The following ZFPM2 variants were observed in gnomAD, a reference collection of about 807,000 sequenced individuals.
ZFPM2 encodes the protein zinc finger protein ZFPM2.
Under a neutral mutation model 98.6 loss-of-function variants are expected in ZFPM2, and 20 were observed. The ratio of observed to expected loss-of-function variants is 0.20; its 90% CI spans 0.14 to 0.29. ZFPM2 has a LOEUF of 0.29. Among genes scored for constraint, ZFPM2 ranks in the 10% least tolerant of loss-of-function variants. The pLI is 1.00. For synonymous variants in ZFPM2, 518 were observed against 502.7 expected (o/e 1.03, Z -0.41); for missense variants, 1,310 against 1,388.6 (o/e 0.94, Z 0.90).
intron 4 of ZFPM2, among the ~76,000 whole-genome samples, chr8:105,601,080 T>C (rs1367781786): frequency 2.0e-5 from 3 of 152,056 alleles, no homozygotes; most frequent in Admixed American, 6.6e-5. Context: ...ATCCTGCTCC[T>C]CCCTCTCACC....
chr8:105,523,012 A>T (rs1004560574), intron 3 of ZFPM2, among the ~76,000 whole-genome samples: 2 of 152,176 alleles, frequency 1.3e-5, no homozygotes, highest in African/African-American at 4.8e-5. Flanking sequence ...TGATAGAATT[A>T]AATGCTAGGT....
intron 1 of ZFPM2, among the ~76,000 whole-genome samples, chr8:105,400,905 A>C (rs911616139): frequency 3.9e-5 from 6 of 152,158 alleles, no homozygotes; most frequent in East Asian, 1.9e-4. Context: ...AGAATTATAG[A>C]ATATGTCCAT....
chr8:105,418,874 G>A, intron 1 of ZFPM2: 1 of 562,648 alleles, frequency 1.8e-6, no homozygotes, highest in Non-Finnish European at 3.3e-6. Context: ...AATAAGTTTG[G>A]GGCTTGAGGT....
chr8:105,715,405 C>T (rs1256998887), intron 5 of ZFPM2, among the ~76,000 whole-genome samples: 1 of 117,512 alleles, frequency 8.5e-6, no homozygotes, highest in East Asian at 2.5e-4. Flanking sequence ...GACCCCATCT[C>T]TTGAAAAAAA....
At chr8:105,527,016 G>A (rs955079578) in intron 3 of ZFPM2, among the ~76,000 whole-genome samples, 1 of 152,016 alleles carries the variant, frequency 6.6e-6, no homozygotes, top group African/African-American at 2.4e-5. Context: ...GTATTTCCTA[G>A]GGTTGTTATG....
chr8:105,799,142 G>A (rs1173083728), intron 7 of ZFPM2, among the ~76,000 whole-genome samples, 194 bp downstream of exon 7: 1 of 152,150 alleles, frequency 6.6e-6, no homozygotes, highest in Non-Finnish European at 1.5e-5. Flanking sequence ...ACTTGGGTCT[G>A]AATTCTTTTC....
At chr8:105,689,130 C>G (rs935738287) in intron 5 of ZFPM2, among the ~76,000 whole-genome samples, 21 of 152,084 alleles carry the variant, frequency 1.4e-4, no homozygotes, top group Admixed American at 1.4e-3. Flanking sequence ...GCATTTTCTA[C>G]TCTTCCTTCC....
At chr8:105,577,794 GAAA>G (rs1220587392) in intron 4 of ZFPM2, among the ~76,000 whole-genome samples, 6 of 150,396 alleles carry the variant, frequency 4.0e-5, no homozygotes, top group African/African-American at 9.7e-5. Context: ...AAAAAAGTGA[GAAA>G]TGAAAAAAAT....
chr8:105,377,462 T>C (rs1810749922), intron 1 of ZFPM2, among the ~76,000 whole-genome samples: 1 of 151,860 alleles, frequency 6.6e-6, no homozygotes, highest in Admixed American at 6.6e-5. Flanking sequence ...ATTTGTTGAA[T>C]AGAAAAATGA....
At chr8:105,441,482 G>GAAA (rs71305153) in intron 2 of ZFPM2, among the ~76,000 whole-genome samples, 1 of 85,404 alleles carries the variant, frequency 1.2e-5, no homozygotes, top group African/African-American at 7.8e-5. Context: ...AAGAAAGAAA[G>GAAA]AAAGAAAGAA....
At chr8:105,801,023 T>A (rs199953113) in intron 7 of ZFPM2, 24 bp from the exon 8 acceptor site, 14 of 1,585,806 alleles carry the variant, frequency 8.8e-6, no homozygotes, top group African/African-American at 2.7e-5. Context: ...TTTCTCATTG[T>A]TCTTATTTTG....
Position 105,425,791 on chromosome 8 carries a change from A to G in ZFPM2, c.199+6489A>G, listed in dbSNP as rs7822159. 4.8e-3 allele frequency among the ~76,000 whole-genome samples: 725 copies of G among 152,320 alleles called. 6 individuals are homozygous for G. The highest frequency in any genetic ancestry group is 0.017 in the African/African-American group (690 of 41,574). On this transcript the variant is annotated intron_variant, in intron 2 of 7. Transcript: ENST00000407775. ...ATCCCTCCCTGCCCCTGGTCCCTGAATGTTAAGGTAAAGCAACAGAAGTTT... is the reference window on the plus strand; with the variant it reads ...ATCCCTCCCTGCCCCTGGTCCCTGAGTGTTAAGGTAAAGCAACAGAAGTTT...
chr8:105,420,121 C>A (rs1811762031), intron 2 of ZFPM2, among the ~76,000 whole-genome samples: 1 of 152,130 alleles, frequency 6.6e-6, no homozygotes, highest in African/African-American at 2.4e-5. Context: ...GAGGGCTTGA[C>A]TGGAAGTGTA....
At chr8:105,558,788 A>AAG (rs34182474) in intron 3 of ZFPM2, among the ~76,000 whole-genome samples, 102,990 of 151,854 alleles carry the variant, frequency 0.68, 36,469 homozygotes, top group African/African-American at 0.91. Context: ...AGTGTGTAAA[A>AAG]AAGCAAATTA....
At chr8:105,690,163 T>G (rs529053795) in intron 5 of ZFPM2, among the ~76,000 whole-genome samples, 1 of 152,206 alleles carries the variant, frequency 6.6e-6, no homozygotes, top group South Asian at 2.1e-4. Flanking sequence ...GTCTTCACTT[T>G]GATGTTTCCC....
intron 6 of ZFPM2, among the ~76,000 whole-genome samples, chr8:105,796,507 T>C (rs1807868184): frequency 6.6e-6 from 1 of 152,230 alleles, no homozygotes. Flanking sequence ...AGTAGTAGCA[T>C]ATAATTAATT....
intron 3 of ZFPM2, among the ~76,000 whole-genome samples, chr8:105,543,267 C>T (rs1814619942): frequency 6.6e-6 from 1 of 152,146 alleles, no homozygotes; most frequent in South Asian, 2.1e-4. Context: ...GGGTGGATGG[C>T]TTGAGTCCAG....
At chr8:105,567,226 C>T (rs575386666) in intron 4 of ZFPM2, among the ~76,000 whole-genome samples, 23 of 152,280 alleles carry the variant, frequency 1.5e-4, no homozygotes, top group African/African-American at 5.1e-4. Context: ...CCAGCATTCA[C>T]CTCTATAGGC....
intron 5 of ZFPM2, among the ~76,000 whole-genome samples, chr8:105,770,914 A>C (rs1812965617): frequency 6.6e-6 from 1 of 152,170 alleles, no homozygotes; most frequent in African/African-American, 2.4e-5. Context: ...AAGCAATGCC[A>C]ATCTCCTTAT....
Sources: gnomAD v4.1 joint callset for allele counts (sites outside exome capture counted in the v4.1 genomes callset) on GRCh38, gnomAD v4.1.1 for gene constraint, MANE v1.5 for transcripts, NCBI Gene and HGNC (gene_info 2026-07-23, HGNC 2026-07-21) for gene names.